The following THSD7A variants were observed in gnomAD, a reference collection of about 807,000 sequenced individuals.
THSD7A encodes the protein thrombospondin type-1 domain-containing protein 7A.
In THSD7A, 96 loss-of-function variants were observed where a neutral mutation model predicts 231.3. The ratio of observed to expected loss-of-function variants is 0.41; its 90% CI spans 0.35 to 0.49. THSD7A has a LOEUF of 0.49. Among genes scored for constraint, THSD7A ranks in the 20% least tolerant of loss-of-function variants. The pLI is 0.05. For synonymous variants in THSD7A, 940 were observed against 743.3 expected (o/e 1.26, Z -4.30); for missense variants, 2,290 against 2,070.2 (o/e 1.11, Z -2.06).
rs752838909 is a variant in THSD7A at position 11,636,091 on chromosome 7, C to T, written c.1022+39G>A. 1 of 1,543,826 alleles carries T rather than the reference C, an allele frequency of 6.5e-7. No homozygotes were observed. The highest frequency in any genetic ancestry group is 8.8e-7 in the Non-Finnish European group (1 of 1,137,060). ...TATCTTAGGTACTCATGATTCTTGA[C>T]AGACAAGCCTGTGTAGTTAACAGTA... On this transcript the variant is annotated intron_variant, in intron 2 of 27. Coordinates refer to ENST00000423059, the MANE Select transcript of THSD7A (RefSeq NM_015204.3). This position sits in a 1 kb window ranked among gnomAD's most constrained non-coding sequence, Gnocchi z 10.0.
At chr7:11,525,947 G>C (rs1344992687) in intron 6 of THSD7A, among the ~76,000 whole-genome samples, 1 of 152,166 alleles carries the variant, frequency 6.6e-6, no homozygotes, top group South Asian at 2.1e-4. Context: ...CTGCAAGAAA[G>C]TTATCTGGAA....
In THSD7A at chr7:11,821,248, C is replaced by T. The variant is rs1338261572; in HGVS notation, c.190+10509G>A. On this transcript the variant is annotated intron_variant, in intron 1 of 27. Coordinates refer to ENST00000423059, the MANE Select transcript of THSD7A (RefSeq NM_015204.3). The stretch of plus-strand genomic sequence containing the variant: ...TTGGGCTAACAGTTCTGAGGGTCTA[C>T]GCTGAGACTGAGCTGACTGTATGTG... The T allele has an allele frequency of 2.4e-5, 28 of 1,149,130 alleles. No individual in the cohort carries two copies. In the African/African-American group the frequency reaches 2.6e-4, roughly 11 times the overall value. 71.2% of individuals were successfully genotyped at this position (1,149,130 alleles called of 1,614,324 possible). A position where few individuals can be genotyped will look rare whatever the true frequency, so the allele number is the denominator to read the frequency against.
rs533818144 is a variant in THSD7A, at chr7:11,409,562, A to C, written c.3798+1645T>G. On this transcript the variant is annotated intron_variant, in intron 19 of 27. Transcript: ENST00000423059. ...CAGCTTTGTCCTTTAATCATATGAA[A>C]TGGTTTAAAATTGGTCATGTATGCT... 5.9e-4 allele frequency among the ~76,000 whole-genome samples: 90 copies of C among 152,270 alleles called. 1 individual carries two copies. The highest frequency in any genetic ancestry group is 1.9e-3 in the African/African-American group (81 of 41,564).
At chr7:11,641,809 G>T (rs78470150) in intron 1 of THSD7A, among the ~76,000 whole-genome samples, 16,524 of 151,912 alleles carry the variant, frequency 0.11, 1,055 homozygotes, top group Non-Finnish European at 0.15. Flanking sequence ...CACCTTGTAG[G>T]CTTTAACTGC....
At chr7:11,611,143 AT>A (rs397889849) in intron 2 of THSD7A, among the ~76,000 whole-genome samples, 2,548 of 152,138 alleles carry the variant, frequency 0.017, 77 homozygotes, top group African/African-American at 0.058. Context: ...TAATCTGGAA[AT>A]TTTTTTTAAG....
chr7:11,624,238 A>G (rs1781409011), intron 2 of THSD7A, among the ~76,000 whole-genome samples: 1 of 152,002 alleles, frequency 6.6e-6, no homozygotes, highest in South Asian at 2.1e-4. Context: ...TATAACCACG[A>G]CCTTACTTGT....
intron 6 of THSD7A, among the ~76,000 whole-genome samples, chr7:11,513,358 A>AAATT (rs759556861): frequency 0.39 from 49,962 of 128,630 alleles, 9,919 homozygotes; most frequent in African/African-American, 0.6. Context: ...TTTCAAGAAT[A>AAATT]AAAAAAACCA....
chr7:11,779,956 G>A (rs1257953161), intron 1 of THSD7A, among the ~76,000 whole-genome samples: 1 of 152,190 alleles, frequency 6.6e-6, no homozygotes, highest in Non-Finnish European at 1.5e-5. Flanking sequence ...TTCTGTGTCT[G>A]TCTAAATTAA....
At chr7:11,482,272 G>C (rs1378393071) in intron 6 of THSD7A, among the ~76,000 whole-genome samples, 2 of 152,116 alleles carry the variant, frequency 1.3e-5, no homozygotes, top group Non-Finnish European at 2.9e-5. Flanking sequence ...TGCCCATTAA[G>C]TACTAATTTT....
intron 23 of THSD7A, chr7:11,384,540 T>G (rs888801155): frequency 6.6e-6 from 1 of 152,104 alleles, no homozygotes; most frequent in African/African-American, 2.4e-5. Context: ...TTGTATGTGA[T>G]GTAAGCTAAA....
intron 6 of THSD7A, among the ~76,000 whole-genome samples, chr7:11,485,096 G>A (rs1443908147): frequency 1.3e-5 from 2 of 151,336 alleles, no homozygotes; most frequent in South Asian, 2.1e-4. Flanking sequence ...TCACCATACT[G>A]GCCAGGCTGG....
intron 6 of THSD7A, among the ~76,000 whole-genome samples, chr7:11,484,711 T>C (rs750865833): frequency 1.1e-4 from 17 of 151,928 alleles, no homozygotes; most frequent in Non-Finnish European, 1.6e-4. Context: ...GGAAATAGAA[T>C]GTTGGTCTAG....
At chr7:11,820,650 C>A (rs1784848039) in intron 1 of THSD7A, 2 of 789,758 alleles carry the variant, frequency 2.5e-6, no homozygotes, top group Admixed American at 1.9e-5. Context: ...CTGCCACCTC[C>A]TCTTTCACTT....
chr7:11,768,683 T>G (rs1333860458), intron 1 of THSD7A, among the ~76,000 whole-genome samples: 1 of 152,212 alleles, frequency 6.6e-6, no homozygotes, highest in African/African-American at 2.4e-5. Context: ...ACTTCCCATG[T>G]GTAATATTTT....
At chr7:11,381,888 G>A (rs1324937947) in intron 24 of THSD7A, among the ~76,000 whole-genome samples, 1 of 152,112 alleles carries the variant, frequency 6.6e-6, no homozygotes, top group Non-Finnish European at 1.5e-5. Context: ...CCACACTAGA[G>A]TAGTTCTTTG....
intron 6 of THSD7A, 42 bp from the exon 7 acceptor site, chr7:11,482,024 A>T: frequency 6.5e-7 from 1 of 1,532,734 alleles, no homozygotes; most frequent in Admixed American, 2.0e-5. Context: ...TTGTTAAATT[A>T]ATGTAAAATG....
chr7:11,648,789 T>A (rs1782384394), intron 1 of THSD7A, among the ~76,000 whole-genome samples: 2 of 152,006 alleles, frequency 1.3e-5, no homozygotes, highest in African/African-American at 4.8e-5. Context: ...CAGAGACTCC[T>A]CATAGCCATT....
At chr7:11,672,553 G>A (rs1395815570) in intron 1 of THSD7A, among the ~76,000 whole-genome samples, 1 of 151,784 alleles carries the variant, frequency 6.6e-6, no homozygotes, top group African/African-American at 2.4e-5. Flanking sequence ...TATATTGTGT[G>A]ACATTTAAAA....
intron 13 of THSD7A, among the ~76,000 whole-genome samples, chr7:11,440,470 A>G (rs1342918740): frequency 6.6e-6 from 1 of 152,034 alleles, no homozygotes; most frequent in Non-Finnish European, 1.5e-5. Context: ...AAGTATATTG[A>G]AAACCTCTGG....
Sources: gnomAD v4.1 joint callset for allele counts (sites outside exome capture counted in the v4.1 genomes callset) on GRCh38, gnomAD v4.1.1 for gene constraint, Gnocchi (gnomAD v3.1) non-coding constraint, MANE v1.5 for transcripts, NCBI Gene and HGNC (gene_info 2026-07-23, HGNC 2026-07-21) for gene names.